The following IL17RA variants were observed in gnomAD, a reference collection of about 807,000 sequenced individuals.
IL17RA encodes the protein interleukin-17 receptor A.
In IL17RA, 34 loss-of-function variants were observed where a neutral mutation model predicts 50.4. The ratio of observed to expected loss-of-function variants is 0.67; its 90% CI spans 0.51 to 0.90. The LOEUF (loss-of-function observed/expected upper bound fraction) is 0.90. IL17RA is among the 40% of genes least tolerant of loss of function. The probability of loss-of-function intolerance (pLI) is 0.00; values close to 1 mark genes in which losing one functional copy is unlikely to be tolerated. For synonymous variants in IL17RA, 585 were observed against 510.4 expected, an observed-to-expected ratio of 1.15 and a Z score of -1.97; for missense variants, 1,276 against 1,169.8, an observed-to-expected ratio of 1.09 and a Z score of -1.32.
intron 5 of IL17RA, among the ~76,000 whole-genome samples, chr22:17,101,067 T>C (rs1031042299): frequency 6.6e-6 from 1 of 152,188 alleles, no homozygotes; most frequent in Non-Finnish European, 1.5e-5. Context: ...TTTTTGTTTT[T>C]AATAGAGATA....
chr22:17,089,886 AC>A (rs1261698639), intron 1 of IL17RA, among the ~76,000 whole-genome samples: 1 of 151,886 alleles, frequency 6.6e-6, no homozygotes, highest in South Asian at 2.1e-4. Context: ...AAAAAAAAAA[AC>A]GAATGAGAGG....
chr22:17,107,123 C>A (rs1982843465), intron 11 of IL17RA, among the ~76,000 whole-genome samples: 1 of 152,212 alleles, frequency 6.6e-6, no homozygotes, highest in African/African-American at 2.4e-5. Flanking sequence ...GGAACAATTG[C>A]TTAAGTATGT....
At chr22:17,101,241 T>C (rs1384365750) in intron 5 of IL17RA, among the ~76,000 whole-genome samples, 1 of 152,208 alleles carries the variant, frequency 6.6e-6, no homozygotes, top group Non-Finnish European at 1.5e-5. Context: ...GCCTGGGTCT[T>C]CTGCCCATTT....
chr22:17,103,678 G>A (rs1219816961), intron 8 of IL17RA, 101 bp downstream of exon 8: 36 of 900,702 alleles, frequency 4.0e-5, no homozygotes, highest in Non-Finnish European at 5.1e-5. Flanking sequence ...TGGTGTGGAC[G>A]GGAGTGGGGA....
chr22:17,105,727 T>TGGG, intron 10 of IL17RA, 125 bp downstream of exon 10: 3 of 1,346,514 alleles, frequency 2.2e-6, no homozygotes, highest in Non-Finnish European at 3.2e-6. Context: ...GGGTGGGGGG[T>TGGG]GAGACCATGG....
chr22:17,105,483 G>A, intron 9 of IL17RA, 108 bp from the exon 10 acceptor site: 2 of 1,060,678 alleles, frequency 1.9e-6, no homozygotes, highest in Non-Finnish European at 3.0e-6. Context: ...AGTGCCTGGT[G>A]CAGGGCCAAC....
At chr22:17,100,611 A>T in intron 5 of IL17RA, 130 bp downstream of exon 5, 1 of 1,213,366 alleles carries the variant, frequency 8.2e-7, no homozygotes, top group Non-Finnish European at 1.2e-6. Context: ...GGACCCACAG[A>T]ACAAACAGAG....
intron 1 of IL17RA, among the ~76,000 whole-genome samples, chr22:17,086,449 T>TC (rs1318399931): frequency 6.6e-6 from 1 of 152,016 alleles, no homozygotes. Context: ...GCAAAGCAGG[T>TC]CCCTCTGCCC....
intron 1 of IL17RA, among the ~76,000 whole-genome samples, chr22:17,086,047 G>A (rs904091279): frequency 6.6e-6 from 1 of 152,186 alleles, no homozygotes; most frequent in Non-Finnish European, 1.5e-5. Flanking sequence ...AACGTTTGTA[G>A]CTGTCAAGTC....
chr22:17,107,766 C>T lies in IL17RA; in HGVS notation c.1085C>T (p.Thr362Ile), dbSNP rs371565499. Residue 362 changes from threonine (T) to isoleucine (I), a missense_variant and splice_region_variant, in exon 12 of 13, where the codon ACC becomes ATC. By Grantham distance (89) the Thr-to-Ile change is moderately conservative. Transcript: ENST00000319363. Reference sequence around the variant, plus strand: ...AAATACAGTGATGACACCAAATACACCGGTCAGTATTTCCTGGTTTGCATG... The same window carrying T: ...AAATACAGTGATGACACCAAATACATCGGTCAGTATTTCCTGGTTTGCATG... ...SEKYSDDTKY[T>I]DGLPAADLIP... 1.7e-5 allele frequency: 27 copies of T among 1,613,222 alleles called. No homozygotes were observed. In the African/African-American group the frequency reaches 2.5e-4, roughly 15 times the overall value.
chr22:17,104,610 C>T (rs1220777425), intron 8 of IL17RA, 116 bp from the exon 9 acceptor site: 1 of 906,456 alleles, frequency 1.1e-6, no homozygotes, highest in South Asian at 1.4e-5. Flanking sequence ...ATGATGGTCA[C>T]CTGGAGATCG....
chr22:17,109,315 A>C lies in IL17RA; in HGVS notation c.2096A>C (p.Glu699Ala). Reference sequence around the variant, plus strand: ...GCAGTCCGGCTGGCACTGGCGGGGGAGGGCGAGGCCTGCCCGCTGCTGGGC... The same window carrying C: ...GCAGTCCGGCTGGCACTGGCGGGGGCGGGCGAGGCCTGCCCGCTGCTGGGC... ...GAAVRLALAG[E>A]GEACPLLGSP... The change falls in exon 13 of 13, where the codon GAG (glutamate) becomes GCG (alanine). Residue 699 changes from glutamate to alanine, a missense_variant. By Grantham distance (107) the Glu-to-Ala change is moderately radical. Coordinates refer to ENST00000319363, the MANE Select transcript of IL17RA (RefSeq NM_014339.7). The C allele has an allele frequency of 6.6e-7, 1 of 1,526,504 alleles. No homozygotes were observed. The highest frequency in any genetic ancestry group is 8.8e-7 in the Non-Finnish European group (1 of 1,140,954). 94.6% of individuals were successfully genotyped at this position (1,526,504 alleles called of 1,614,324 possible). A position where few individuals can be genotyped will look rare whatever the true frequency, so the allele number is the denominator to read the frequency against.
At chr22:17,088,346 T>C (rs771844296) in intron 1 of IL17RA, among the ~76,000 whole-genome samples, 3 of 152,020 alleles carry the variant, frequency 2.0e-5, no homozygotes, top group Admixed American at 2.0e-4. Flanking sequence ...TTTGAGAGAG[T>C]TTTGCTCTGT....
At chr22:17,107,866 A>G (rs2061420645) in intron 12 of IL17RA, 98 bp downstream of exon 12, 3 of 1,077,526 alleles carry the variant, frequency 2.8e-6, no homozygotes, top group Non-Finnish European at 2.9e-6. Context: ...CTAACTCCCA[A>G]GTCCCTTCAG....
Position 17,103,586 on chromosome 22 carries a change from G to A in IL17RA, c.846+9G>A, listed in dbSNP as rs753785522. The A allele has an allele frequency of 1.2e-6, 2 of 1,607,812 alleles. No homozygotes were observed. The highest frequency in any genetic ancestry group is 1.7e-6 in the Non-Finnish European group (2 of 1,176,864). On this transcript the variant is annotated intron_variant, in intron 8 of 12. Transcript: ENST00000319363. ...GTCGCCACCAAGTGCAGGTGGGTGA[G>A]TGTGGTGTGGACAGGTGCAGGGAGC...
At chr22:17,103,223 G>A (rs2061398071) in intron 7 of IL17RA, among the ~76,000 whole-genome samples, 1 of 152,206 alleles carries the variant, frequency 6.6e-6, no homozygotes, top group Non-Finnish European at 1.5e-5. Context: ...TACAACTGGT[G>A]TCCATGAACA....
At position 17,100,448 on chromosome 22, in the gene IL17RA, C is replaced by T. The variant is rs1166112131; in HGVS notation, c.517C>T (p.Pro173Ser). The T allele has an allele frequency of 6.2e-7, 1 of 1,613,974 alleles. No individual in the cohort carries two copies. The highest frequency in any genetic ancestry group is 8.5e-7 in the Non-Finnish European group (1 of 1,180,016). ...GCCCAAGCCCATCCCTGATGGGGAC[C>T]CAAACCACCAGTCCAAGAATTTCCT... The part of the protein sequence containing the change: ...HLPKPIPDGD[P>S]NHQSKNFLVP... Residue 173 changes from proline (P) to serine (S), a missense_variant, in exon 5 of 13, where the codon CCA (proline) becomes TCA (serine). Pro to Ser is a moderately conservative substitution (Grantham distance 74, BLOSUM62 -1). Coordinates refer to ENST00000319363, the MANE Select transcript of IL17RA (RefSeq NM_014339.7).
chr22:17,087,662 T>G (rs2061333100), intron 1 of IL17RA, among the ~76,000 whole-genome samples: 1 of 152,186 alleles, frequency 6.6e-6, no homozygotes, highest in Non-Finnish European at 1.5e-5. Context: ...ATGACTGATT[T>G]CCCCACAGAA....
intron 3 of IL17RA, among the ~76,000 whole-genome samples, chr22:17,098,430 G>A (rs569313561): frequency 2.6e-5 from 4 of 152,278 alleles, no homozygotes; most frequent in South Asian, 2.1e-4. Context: ...GGAAGTCCCC[G>A]CCCTCAGTGC....
Sources: gnomAD v4.1 joint callset for allele counts (sites outside exome capture counted in the v4.1 genomes callset) on GRCh38, gnomAD v4.1.1 for gene constraint, MANE v1.5 for transcripts, NCBI Gene and HGNC (gene_info 2026-07-23, HGNC 2026-07-21) for gene names.